Variants in CNTN4 observed in about 807,000 individuals in gnomAD.
CNTN4 encodes contactin 4.
Under a neutral mutation model 122.5 loss-of-function variants are expected in CNTN4, and 77 were observed. The observed-to-expected ratio is 0.63, with a 90% CI of 0.52 to 0.76. The LOEUF is 0.76. CNTN4 is among the 30% of genes least tolerant of loss of function. CNTN4 has a pLI of 0.00. For missense variants in CNTN4, 1,256 were observed against 1,259.1 expected, an observed-to-expected ratio of 1.00 and a Z score of 0.04; for synonymous variants, 512 against 447.0, an observed-to-expected ratio of 1.15 and a Z score of -1.83.
intron 6 of CNTN4, among the ~76,000 whole-genome samples, chr3:2,760,535 A>G (rs1405405047): frequency 6.6e-6 from 1 of 152,082 alleles, no homozygotes; most frequent in East Asian, 1.9e-4. Flanking sequence ...ATTTCATTCC[A>G]TTGATTTATA....
intron 2 of CNTN4, among the ~76,000 whole-genome samples, chr3:2,101,817 C>T (rs914827933): frequency 1.3e-5 from 2 of 152,144 alleles, no homozygotes; most frequent in African/African-American, 4.8e-5. Context: ...TCTCATGTTG[C>T]TGTTATGTAT....
intron 10 of CNTN4, among the ~76,000 whole-genome samples, chr3:2,897,249 C>A (rs1288628229): frequency 6.6e-6 from 1 of 152,122 alleles, no homozygotes; most frequent in Non-Finnish European, 1.5e-5. Context: ...AAGTGTGTCA[C>A]AGAGTCAAAT....
chr3:2,709,827 C>T lies in CNTN4; in HGVS notation c.56-26388C>T, dbSNP rs920140837. ...TACTTGGGAGGCTGAGCCAGGAGAG[C>T]CCGGGAGTCCAGCAGTGAGCTGAGA... On this transcript the variant is annotated intron_variant, in intron 4 of 24. Transcript: ENST00000418658. The surrounding 1 kb of genome is among the most constrained non-coding windows in gnomAD (Gnocchi z 5.0). Among the ~76,000 whole-genome samples, 4 of 151,918 alleles carry T rather than the reference C, an allele frequency of 2.6e-5. No individual in the cohort carries two copies. The highest frequency in any genetic ancestry group is 9.7e-5 in the African/African-American group (4 of 41,372).
At chr3:2,896,103 C>T (rs372135226) in intron 10 of CNTN4, among the ~76,000 whole-genome samples, 2 of 152,014 alleles carry the variant, frequency 1.3e-5, no homozygotes, top group Non-Finnish European at 2.9e-5. Context: ...TAGGTCCAAA[C>T]GAATCTGAAT....
At position 2,373,097 on chromosome 3, in the gene CNTN4, T is replaced by C. The variant is rs1009500414; in HGVS notation, c.-89+33864T>C. On this transcript the variant is annotated intron_variant, in intron 3 of 24. Coordinates refer to ENST00000418658, the MANE Select transcript of CNTN4 (RefSeq NM_175607.3). The stretch of plus-strand genomic sequence containing the variant: ...TAGATTGACCTGAAAAGGGCTTTGT[T>C]TCTAATCCCCCTGGGGTTCCCAAAA... Among the ~76,000 whole-genome samples, 11 of 140,276 alleles carry C rather than the reference T, an allele frequency of 7.8e-5. No homozygotes were observed. The East Asian group carries it at 6.5e-3, about 83-fold the overall frequency. 92.0% of individuals were successfully genotyped at this position (140,276 alleles called of 152,430 possible). A position where few individuals can be genotyped will look rare whatever the true frequency, so the allele number is the denominator to read the frequency against.
chr3:2,497,684 C>T (rs1426496868), intron 3 of CNTN4, among the ~76,000 whole-genome samples: 1 of 152,064 alleles, frequency 6.6e-6, no homozygotes, highest in Non-Finnish European at 1.5e-5. Flanking sequence ...TGTCATTTTC[C>T]TGTTCTTGCC....
Position 2,729,768 on chromosome 3 carries a change from G to T in CNTN4, c.56-6447G>T, listed in dbSNP as rs140861195. On this transcript the variant is annotated intron_variant, in intron 4 of 24. Transcript: ENST00000418658. ...TCTCTACTAAAAACAAAAAAAATTAGCCAGGTGTGTTGGCACGCGCCTGTA... is the reference window on the plus strand; with the variant it reads ...TCTCTACTAAAAACAAAAAAAATTATCCAGGTGTGTTGGCACGCGCCTGTA... Among the ~76,000 whole-genome samples, 838 of 151,746 alleles carry T rather than the reference G, an allele frequency of 5.5e-3. 6 individuals are homozygous for T. Among genetic ancestry groups the T allele is most frequent in the Middle Eastern group, 0.048 (14 of 294 alleles).
chr3:2,207,216 G>A (rs1456496772), intron 2 of CNTN4, among the ~76,000 whole-genome samples: 1 of 151,908 alleles, frequency 6.6e-6, no homozygotes, highest in Non-Finnish European at 1.5e-5. Flanking sequence ...TATTCTCTGA[G>A]ACACAATAAT....
intron 4 of CNTN4, among the ~76,000 whole-genome samples, chr3:2,649,596 G>A (rs2083276165): frequency 6.6e-6 from 1 of 152,172 alleles, no homozygotes; most frequent in Non-Finnish European, 1.5e-5. Context: ...GTTTGACAAT[G>A]CACCTTGTCA....
Position 2,709,186 on chromosome 3 carries a change from A to G in CNTN4, c.56-27029A>G, listed in dbSNP as rs2086947598. Among the ~76,000 whole-genome samples the G allele has an allele frequency of 6.6e-6, 1 of 152,222 alleles. No homozygotes were observed. Among genetic ancestry groups the G allele is most frequent in the Non-Finnish European group, 1.5e-5 (1 of 68,050 alleles). On this transcript the variant is annotated intron_variant, in intron 4 of 24. Coordinates refer to ENST00000418658, the MANE Select transcript of CNTN4 (RefSeq NM_175607.3). The surrounding 1 kb of genome is among the most constrained non-coding windows in gnomAD (Gnocchi z 5.0). ...AAAATGCATATTGCATTTACAACAG[A>G]CAAAACCAAATTTTATTGGTAAAAA...
intron 7 of CNTN4, among the ~76,000 whole-genome samples, chr3:2,832,216 A>G (rs768534792): frequency 1.5e-4 from 23 of 152,244 alleles, no homozygotes; most frequent in Non-Finnish European, 8.8e-5. Context: ...TAGGATTTCA[A>G]GGTTAAAGGA....
chr3:2,794,063 C>G (rs530828664), intron 6 of CNTN4, among the ~76,000 whole-genome samples: 1 of 152,106 alleles, frequency 6.6e-6, no homozygotes, highest in Non-Finnish European at 1.5e-5. Context: ...GGAAATTTAA[C>G]ATGTTTCAAA....
At chr3:2,462,034 T>A (rs369542978) in intron 3 of CNTN4, among the ~76,000 whole-genome samples, 2 of 152,158 alleles carry the variant, frequency 1.3e-5, no homozygotes, top group African/African-American at 4.8e-5. Context: ...GGGAGACCTT[T>A]ATATAATCTA....
chr3:2,374,355 C>T (rs917212412), intron 3 of CNTN4, among the ~76,000 whole-genome samples: 1 of 152,200 alleles, frequency 6.6e-6, no homozygotes, highest in Non-Finnish European at 1.5e-5. Flanking sequence ...CTTCTTCATG[C>T]AGTTTAACTC....
At position 2,854,546 on chromosome 3, in the gene CNTN4, T is replaced by C. The variant is rs113381576; in HGVS notation, c.455-12206T>C. Among the ~76,000 whole-genome samples the C allele has an allele frequency of 5.9e-3, 893 of 152,284 alleles. 6 individuals are homozygous for C. Among genetic ancestry groups the C allele is most frequent in the African/African-American group, 0.021 (855 of 41,564 alleles). The stretch of plus-strand genomic sequence containing the variant: ...CCTCTGCCTCCCAAAGTGCTGGCAT[T>C]ACAAGCATGAGCCACCCTGCCCGGC... On this transcript the variant is annotated intron_variant, in intron 7 of 24. Coordinates refer to ENST00000418658, the MANE Select transcript of CNTN4 (RefSeq NM_175607.3).
At chr3:2,975,285 T>C (rs78723923) in intron 13 of CNTN4, among the ~76,000 whole-genome samples, 12,673 of 152,174 alleles carry the variant, frequency 0.083, 667 homozygotes, top group Non-Finnish European at 0.12. Context: ...TTACTTCTTG[T>C]TTTATTTCTT....
chr3:2,915,434 A>C (rs2094343346), intron 12 of CNTN4, among the ~76,000 whole-genome samples: 1 of 152,226 alleles, frequency 6.6e-6, no homozygotes, highest in Non-Finnish European at 1.5e-5. Flanking sequence ...AACCTAATGA[A>C]AGCCTTATAT....
intron 23 of CNTN4, among the ~76,000 whole-genome samples, chr3:3,049,956 T>G (rs1314190320): frequency 2.0e-5 from 3 of 152,204 alleles, no homozygotes; most frequent in African/African-American, 7.2e-5. Context: ...TGTAGAGTCT[T>G]ACTCAGGAAC....
At chr3:2,414,671 G>T (rs1258047986) in intron 3 of CNTN4, among the ~76,000 whole-genome samples, 1 of 151,966 alleles carries the variant, frequency 6.6e-6, no homozygotes, top group African/African-American at 2.4e-5. Flanking sequence ...AATTTTCAAA[G>T]CTACTTTTCC....
Sources: allele counts gnomAD v4.1 joint callset (sites outside exome capture counted in the v4.1 genomes callset), GRCh38; gene constraint gnomAD v4.1.1; non-coding constraint Gnocchi (gnomAD v3.1); transcripts MANE v1.5; gene names NCBI Gene and HGNC (gene_info 2026-07-23, HGNC 2026-07-21).